LIN28A: variants seen among roughly 807,000 people sequenced by gnomAD.
LIN28A encodes the protein protein lin-28 homolog A.
In LIN28A, 11 loss-of-function variants were observed where a neutral mutation model predicts 21.1. That is an observed-to-expected ratio of 0.52 (90% CI 0.33 to 0.86). The LOEUF is 0.86. LIN28A is among the 40% of genes least tolerant of loss of function. The probability of loss-of-function intolerance (pLI) is 0.03; values close to 1 mark genes in which losing one functional copy is unlikely to be tolerated. For missense variants in LIN28A, 219 were observed against 279.8 expected (o/e 0.78, Z 1.55); for synonymous variants, 111 against 108.7 (o/e 1.02, Z -0.13).
chr1:26,416,500 C>T (rs2074994219), intron 2 of LIN28A, among the ~76,000 whole-genome samples: 1 of 152,180 alleles, frequency 6.6e-6, no homozygotes, highest in Non-Finnish European at 1.5e-5. Flanking sequence ...AACTATGCCT[C>T]CTGTCTTCCT....
chr1:26,415,780 G>T (rs547046017), intron 2 of LIN28A, among the ~76,000 whole-genome samples: 3 of 152,106 alleles, frequency 2.0e-5, no homozygotes, highest in African/African-American at 7.2e-5. Flanking sequence ...GCCCAGAGAG[G>T]TTCCTCTCGT....
In LIN28A at chr1:26,411,699, C is replaced by G. The variant is rs1489599162; in HGVS notation, c.228+117C>G. On this transcript the variant is annotated intron_variant, in intron 2 of 3. Coordinates refer to ENST00000326279, the MANE Select transcript of LIN28A (RefSeq NM_024674.6). The surrounding 1 kb of genome is among the most constrained non-coding windows in gnomAD (Gnocchi z 5.4). The stretch of plus-strand genomic sequence containing the variant: ...CATCGGGAGCCCTCATTATGCATCC[C>G]TGTCTTTGCTTCGGCACCCCAATTC... 2.0e-6 allele frequency: 2 copies of G among 1,020,004 alleles called. No individual in the cohort carries two copies. 63.2% of individuals were successfully genotyped at this position (1,020,004 alleles called of 1,614,324 possible).
chr1:26,412,678 GT>G (rs1448805221), intron 2 of LIN28A, among the ~76,000 whole-genome samples: 4 of 152,116 alleles, frequency 2.6e-5, no homozygotes, highest in African/African-American at 9.7e-5. Context: ...TTTAGGAGGT[GT>G]GGGGGAGGGG....
chr1:26,417,781 A>C (rs2075002379), intron 2 of LIN28A, among the ~76,000 whole-genome samples: 1 of 152,248 alleles, frequency 6.6e-6, no homozygotes, highest in South Asian at 2.1e-4. Flanking sequence ...TATTTTGCAT[A>C]GTACTTAGAC....
intron 2 of LIN28A, among the ~76,000 whole-genome samples, chr1:26,418,161 T>C (rs912069484): frequency 1.1e-4 from 17 of 152,014 alleles, no homozygotes; most frequent in African/African-American, 4.1e-4. Context: ...TTGGATAGGG[T>C]AAGGCAGGCA....
At chr1:26,417,218 G>A (rs1028847748) in intron 2 of LIN28A, among the ~76,000 whole-genome samples, 3 of 152,222 alleles carry the variant, frequency 2.0e-5, no homozygotes, top group Admixed American at 6.5e-5. Context: ...GCGCCATCTG[G>A]TGGAGAACTC....
At position 26,426,779 on chromosome 1, in the gene LIN28A, C is replaced by A; in HGVS notation, c.*321C>A. The A allele has an allele frequency of 3.3e-6, 1 of 307,324 alleles. No individual in the cohort carries two copies. The highest frequency in any genetic ancestry group is 6.3e-6 in the Non-Finnish European group (1 of 159,780). 19.0% of individuals were successfully genotyped at this position (307,324 alleles called of 1,614,324 possible). ...TGGCCTGGATAGGGAAGTTGTTTTC[C>A]TTTTAAAGAAGGATATATAATAATT... On this transcript the variant is annotated 3_prime_UTR_variant, in exon 4 of 4. Transcript: ENST00000326279.
Position 26,411,275 on chromosome 1 carries a change from T to G in LIN28A, c.32-111T>G. On this transcript the variant is annotated intron_variant, in intron 1 of 3. Transcript: ENST00000326279. This position sits in a 1 kb window ranked among gnomAD's most constrained non-coding sequence, Gnocchi z 5.4. ...CTTCTGTTGCTTGGTAGCTGCCCCC[T>G]CCTGGCTGTCCACTTGTGGGGCTGG... 1.9e-6 allele frequency: 2 copies of G among 1,080,112 alleles called. No individual in the cohort carries two copies. Among genetic ancestry groups the G allele is most frequent in the South Asian group, 3.3e-5 (2 of 60,266 alleles). The allele number at this position is 1,080,112 out of a possible 1,614,324, so 66.9% of individuals were successfully genotyped here. A position where few individuals can be genotyped will look rare whatever the true frequency, so the allele number is the denominator to read the frequency against.
intron 2 of LIN28A, among the ~76,000 whole-genome samples, chr1:26,418,765 T>A (rs1400263326): frequency 6.6e-6 from 1 of 152,120 alleles, no homozygotes. Context: ...TTTGGTTCTA[T>A]CCATGAAGTG....
chr1:26,415,445 G>A (rs2124287449), intron 2 of LIN28A, among the ~76,000 whole-genome samples: 1 of 152,234 alleles, frequency 6.6e-6, no homozygotes. Flanking sequence ...TTGAGGTACT[G>A]GTCTTATACC....
chr1:26,419,707 CATTT>C (rs1198693834), intron 2 of LIN28A, among the ~76,000 whole-genome samples: 1 of 152,120 alleles, frequency 6.6e-6, no homozygotes, highest in Non-Finnish European at 1.5e-5. Flanking sequence ...GTATTTACTC[CATTT>C]TATAGATGAT....
chr1:26,417,565 C>G (rs2075001037), intron 2 of LIN28A, among the ~76,000 whole-genome samples: 1 of 152,074 alleles, frequency 6.6e-6, no homozygotes, highest in South Asian at 2.1e-4. Context: ...AGAGTTAGGC[C>G]AGCTGCACTC....
intron 2 of LIN28A, among the ~76,000 whole-genome samples, chr1:26,423,953 G>T (rs898993292): frequency 2.0e-5 from 3 of 151,510 alleles, no homozygotes; most frequent in African/African-American, 7.3e-5. Flanking sequence ...TAGTAGAGAC[G>T]GGGTTTCACC....
At chr1:26,415,990 T>C in intron 2 of LIN28A, among the ~76,000 whole-genome samples, 1 of 152,230 alleles carries the variant, frequency 6.6e-6, no homozygotes, top group Admixed American at 6.5e-5. Context: ...TGTCTTTTTT[T>C]TATTTTTATT....
At position 26,411,549 on chromosome 1, in the gene LIN28A, G is replaced by C. The variant is rs567862344; in HGVS notation, c.195G>C (p.Ala65=). Residue 65 remains alanine, a synonymous_variant, in exon 2 of 4, where the codon GCG becomes GCC. Coordinates refer to ENST00000326279, the MANE Select transcript of LIN28A (RefSeq NM_024674.6). This position sits in a 1 kb window ranked among gnomAD's most constrained non-coding sequence, Gnocchi z 5.4. The part of the protein sequence containing the change: ...FLSMTARAGV[A]LDPPVDVFVH... ...CCATGACCGCCCGCGCCGGGGTCGC[G>C]CTCGACCCCCCAGTGGATGTCTTTG... The C allele has an allele frequency of 9.3e-6, 15 of 1,613,786 alleles. No homozygotes were observed. The South Asian group carries it at 1.2e-4, about 13-fold the overall frequency.
chr1:26,429,647 C>A lies in LIN28A; in HGVS notation c.*3189C>A, dbSNP rs2075081208. 1 of 152,196 alleles carries A rather than the reference C, an allele frequency of 6.6e-6. No individual in the cohort carries two copies. The highest frequency in any genetic ancestry group is 1.5e-5 in the Non-Finnish European group (1 of 68,054). The allele number at this position is 152,196 out of a possible 1,614,324, so 9.4% of individuals were successfully genotyped here. On this transcript the variant is annotated 3_prime_UTR_variant, in exon 4 of 4. Coordinates refer to ENST00000326279, the MANE Select transcript of LIN28A (RefSeq NM_024674.6). ...CCCATTTTCTAATCATTTTTTAACA[C>A]AAGCTGACTCTTCCCTTCCCTTCTC... is the stretch of plus-strand genomic sequence containing the variant.
Position 26,411,703 on chromosome 1 carries a change from C to T in LIN28A, c.228+121C>T. 1 of 985,704 alleles carries T rather than the reference C, an allele frequency of 1.0e-6. No individual in the cohort carries two copies. The highest frequency in any genetic ancestry group is 1.5e-6 in the Non-Finnish European group (1 of 653,634). 61.1% of individuals were successfully genotyped at this position (985,704 alleles called of 1,614,324 possible). A position where few individuals can be genotyped will look rare whatever the true frequency, so the allele number is the denominator to read the frequency against. ...GGGAGCCCTCATTATGCATCCCTGT[C>T]TTTGCTTCGGCACCCCAATTCTGAG... On this transcript the variant is annotated intron_variant, in intron 2 of 3. Transcript: ENST00000326279. This position sits in a 1 kb window ranked among gnomAD's most constrained non-coding sequence, Gnocchi z 5.4.
chr1:26,425,218 C>A, intron 2 of LIN28A, 85 bp from the exon 3 acceptor site: 2 of 1,346,392 alleles, frequency 1.5e-6, no homozygotes, highest in Non-Finnish European at 1.0e-6. Context: ...ACATTTGATT[C>A]CTACCCTACA....
chr1:26,415,100 T>C (rs547701471), intron 2 of LIN28A, among the ~76,000 whole-genome samples: 111 of 152,304 alleles, frequency 7.3e-4, no homozygotes, highest in Admixed American at 1.2e-3. Flanking sequence ...GACCCAGATA[T>C]GTTTCAATCT....
Sources: allele counts gnomAD v4.1 joint callset (sites outside exome capture counted in the v4.1 genomes callset), GRCh38; gene constraint gnomAD v4.1.1; non-coding constraint Gnocchi (gnomAD v3.1); transcripts MANE v1.5; gene names NCBI Gene and HGNC (gene_info 2026-07-23, HGNC 2026-07-21).